The following ARHGAP25 variants were observed in gnomAD, a reference collection of about 807,000 sequenced individuals.
ARHGAP25 encodes the protein rho GTPase-activating protein 25.
A neutral mutation model predicts 71.0 loss-of-function variants in ARHGAP25; 34 were observed. That is an observed-to-expected ratio of 0.48 (90% CI 0.36 to 0.64). ARHGAP25 has a LOEUF of 0.64. ARHGAP25 is among the 30% of genes least tolerant of loss of function. The pLI, the probability that ARHGAP25 is intolerant of heterozygous loss-of-function variation, is 0.00. For missense variants in ARHGAP25, 706 were observed against 805.1 expected (o/e 0.88, Z 1.49); for synonymous variants, 282 against 296.5 (o/e 0.95, Z 0.50).
chr2:68,739,071 G>C (rs1675377056), intron 1 of ARHGAP25, among the ~76,000 whole-genome samples: 1 of 152,216 alleles, frequency 6.6e-6, no homozygotes, highest in Non-Finnish European at 1.5e-5. Context: ...TGAGGAAAAA[G>C]GACTGATGTC....
chr2:68,764,943 T>C (rs2104351097), intron 1 of ARHGAP25, among the ~76,000 whole-genome samples: 1 of 152,316 alleles, frequency 6.6e-6, no homozygotes, highest in East Asian at 1.9e-4. Flanking sequence ...CTTGTTATTA[T>C]TGAGCTAGTC....
At chr2:68,742,895 A>G (rs181652763) in intron 1 of ARHGAP25, among the ~76,000 whole-genome samples, 5 of 152,092 alleles carry the variant, frequency 3.3e-5, no homozygotes, top group African/African-American at 1.2e-4. Context: ...CCATGTACTC[A>G]CTTCCTTCTC....
intron 4 of ARHGAP25, 101 bp from the exon 5 acceptor site, chr2:68,807,172 G>T: frequency 9.0e-7 from 1 of 1,105,578 alleles, no homozygotes; most frequent in Non-Finnish European, 1.4e-6. Flanking sequence ...TAGTATCATT[G>T]CAATAAAACC....
At chr2:68,803,506 G>A (rs1242517544) in intron 4 of ARHGAP25, among the ~76,000 whole-genome samples, 1 of 151,898 alleles carries the variant, frequency 6.6e-6, no homozygotes, top group African/African-American at 2.4e-5. Context: ...ACAAGTATAT[G>A]GTAAAGAGAA....
At chr2:68,761,034 T>C (rs1282012368) in intron 1 of ARHGAP25, among the ~76,000 whole-genome samples, 1 of 151,946 alleles carries the variant, frequency 6.6e-6, no homozygotes, top group Admixed American at 6.6e-5. Context: ...GAATAGATTG[T>C]CTGGAATAGA....
At chr2:68,819,478 C>G (rs746235124) in intron 9 of ARHGAP25, 159 bp downstream of exon 9, 3 of 776,194 alleles carry the variant, frequency 3.9e-6, no homozygotes, top group African/African-American at 1.7e-5. Context: ...CCTTGAAAGC[C>G]TGGCCTCTTT....
At chr2:68,806,638 A>T (rs1267563502) in intron 4 of ARHGAP25, among the ~76,000 whole-genome samples, 1 of 152,256 alleles carries the variant, frequency 6.6e-6, no homozygotes. Flanking sequence ...ACCGAGCGGG[A>T]CCGCGAGAGA....
intron 1 of ARHGAP25, among the ~76,000 whole-genome samples, chr2:68,765,400 T>C (rs751079947): frequency 4.6e-5 from 7 of 152,086 alleles, no homozygotes; most frequent in Non-Finnish European, 1.0e-4. Flanking sequence ...AATTTATTTT[T>C]AAGCCTAATA....
chr2:68,788,539 A>C (rs1361678481), intron 4 of ARHGAP25, among the ~76,000 whole-genome samples: 4 of 152,338 alleles, frequency 2.6e-5, no homozygotes, highest in African/African-American at 7.2e-5. Context: ...TGGGTTTCAC[A>C]ACTCAAGAAT....
Position 68,752,036 on chromosome 2 carries a change from A to G in ARHGAP25, c.61+16776A>G, listed in dbSNP as rs141328257. On this transcript the variant is annotated intron_variant, in intron 1 of 10. Coordinates refer to ENST00000409202, the MANE Select transcript of ARHGAP25 (RefSeq NM_001007231.3). Reference sequence around the variant, plus strand: ...TAGCTTCAAAATAACGCGACCACGAATAGTTGATTGAATTTTAGACCCCAC... The same window carrying G: ...TAGCTTCAAAATAACGCGACCACGAGTAGTTGATTGAATTTTAGACCCCAC... Among the ~76,000 whole-genome samples the G allele has an allele frequency of 6.6e-3, 1,010 of 152,320 alleles. 15 individuals carry two copies. The highest frequency in any genetic ancestry group is 0.023 in the African/African-American group (947 of 41,568).
chr2:68,752,924 C>G (rs1197928821), intron 1 of ARHGAP25, among the ~76,000 whole-genome samples: 1 of 152,144 alleles, frequency 6.6e-6, no homozygotes, highest in Non-Finnish European at 1.5e-5. Context: ...AATCTCATCA[C>G]TATTTTGATC....
chr2:68,817,751 G>T (rs1681337106), intron 7 of ARHGAP25, 122 bp from the exon 8 acceptor site: 1 of 1,236,840 alleles, frequency 8.1e-7, no homozygotes, highest in Non-Finnish European at 1.1e-6. Flanking sequence ...GAGCAGGCTG[G>T]TCTCATTCCT....
chr2:68,787,766 G>C, intron 3 of ARHGAP25, 74 bp from the exon 4 acceptor site: 1 of 1,221,938 alleles, frequency 8.2e-7, no homozygotes, highest in South Asian at 1.2e-5. Flanking sequence ...ATTTAGGTCT[G>C]GTTCCCTTCT....
intron 6 of ARHGAP25, among the ~76,000 whole-genome samples, chr2:68,815,443 C>CTTTTTTTTTTTTT (rs796100406): frequency 1.6e-5 from 1 of 62,290 alleles, no homozygotes; most frequent in Non-Finnish European, 2.9e-5. Context: ...TGTGTACTCT[C>CTTTTTTTTTTTTT]TTTTTTTTTT....
chr2:68,719,969 TC>T (rs1674715238), intron 2 of ARHGAP25, among the ~76,000 whole-genome samples: 1 of 152,198 alleles, frequency 6.6e-6, no homozygotes, highest in African/African-American at 2.4e-5. Context: ...CAGTGACCTG[TC>T]GCGTTCACTG....
intron 2 of ARHGAP25, among the ~76,000 whole-genome samples, chr2:68,776,521 G>GA: frequency 6.6e-6 from 1 of 152,312 alleles, no homozygotes; most frequent in Non-Finnish European, 1.5e-5. Flanking sequence ...TTTGAAAGTA[G>GA]AGCAAACAGG....
intron 3 of ARHGAP25, among the ~76,000 whole-genome samples, chr2:68,784,547 C>G (rs190231431): frequency 6.6e-6 from 1 of 152,222 alleles, no homozygotes; most frequent in Non-Finnish European, 1.5e-5. Context: ...GCTTCCCTCT[C>G]CCTACTGATC....
chr2:68,814,047 C>T (rs1186064734), intron 6 of ARHGAP25, among the ~76,000 whole-genome samples: 1 of 152,134 alleles, frequency 6.6e-6, no homozygotes, highest in East Asian at 1.9e-4. Context: ...AACCAAACAA[C>T]CAAAGAAACT....
At chr2:68,726,046 ACTTTTT>A (rs1256995911) in intron 2 of ARHGAP25, among the ~76,000 whole-genome samples, 6 of 151,928 alleles carry the variant, frequency 3.9e-5, no homozygotes, top group African/African-American at 2.4e-5. Flanking sequence ...TTCCCGTAGC[ACTTTTT>A]CTTTTTCTCC....
Sources: allele counts gnomAD v4.1 joint callset (sites outside exome capture counted in the v4.1 genomes callset), GRCh38; gene constraint gnomAD v4.1.1; transcripts MANE v1.5; gene names NCBI Gene and HGNC (gene_info 2026-07-23, HGNC 2026-07-21).